FGF7: variants seen among roughly 807,000 people sequenced by gnomAD.
FGF7 encodes fibroblast growth factor 7.
In FGF7, 6 loss-of-function variants were observed where a neutral mutation model predicts 20.5. That is an observed-to-expected ratio of 0.29 (90% CI 0.16 to 0.58). FGF7 has a LOEUF of 0.58. Ranked by LOEUF, FGF7 falls within the 20% of genes least tolerant of loss-of-function variation. The pLI is 0.90. For missense variants in FGF7, 144 were observed against 228.8 expected (o/e 0.63, Z 2.39); for synonymous variants, 64 against 74.7 (o/e 0.86, Z 0.74).
chr15:49,458,842 C>T (rs1354734044), intron 2 of FGF7, among the ~76,000 whole-genome samples: 1 of 151,984 alleles, frequency 6.6e-6, no homozygotes, highest in Non-Finnish European at 1.5e-5. Context: ...AAGTATTTCC[C>T]CCCTGCACCA....
At chr15:49,444,001 T>G (rs532379983) in intron 2 of FGF7, among the ~76,000 whole-genome samples, 3 of 151,780 alleles carry the variant, frequency 2.0e-5, no homozygotes. Context: ...AGTAAAAGAT[T>G]GTGCTGTAAA....
intron 2 of FGF7, among the ~76,000 whole-genome samples, chr15:49,449,270 G>A (rs1473071116): frequency 6.6e-6 from 1 of 151,964 alleles, no homozygotes; most frequent in East Asian, 1.9e-4. Flanking sequence ...ATGGAATAAA[G>A]CAATCATGAA....
intron 2 of FGF7, 95 bp downstream of exon 2, chr15:49,424,678 G>GA (rs2151750764): frequency 2.0e-5 from 20 of 995,118 alleles, no homozygotes; most frequent in Non-Finnish European, 2.3e-5. Flanking sequence ...TTGCTTCTTG[G>GA]AAAAAAAATT....
intron 2 of FGF7, among the ~76,000 whole-genome samples, chr15:49,461,178 T>C (rs1053814329): frequency 1.3e-5 from 2 of 152,194 alleles, no homozygotes; most frequent in African/African-American, 4.8e-5. Flanking sequence ...TAGTGACAGA[T>C]CTTTTCTCTT....
intron 2 of FGF7, among the ~76,000 whole-genome samples, chr15:49,479,999 T>C (rs2055777932): frequency 6.6e-6 from 1 of 152,222 alleles, no homozygotes; most frequent in African/African-American, 2.4e-5. Flanking sequence ...GTGATAATGT[T>C]AATTTCTTTA....
At chr15:49,437,092 CTATT>C (rs1406604915) in intron 2 of FGF7, among the ~76,000 whole-genome samples, 1 of 151,496 alleles carries the variant, frequency 6.6e-6, no homozygotes, top group Non-Finnish European at 1.5e-5. Flanking sequence ...TTTATTAAAA[CTATT>C]TATACTTCTG....
intron 2 of FGF7, among the ~76,000 whole-genome samples, chr15:49,428,813 T>TAGCAAGAAA (rs1300072745): frequency 1.3e-5 from 2 of 152,002 alleles, no homozygotes; most frequent in African/African-American, 4.8e-5. Flanking sequence ...GTTAGTTCCA[T>TAGCAAGAAA]AGCAAGAAAA....
In FGF7 at chr15:49,485,844, A is replaced by C. The variant is rs2056361551; in HGVS notation, c.*1340A>C. ...TTTAAAACTATGTATATTTAAATTT[A>C]GTAATTTTCTAATCTCTAGAAATCT... On this transcript the variant is annotated 3_prime_UTR_variant, in exon 4 of 4. Coordinates refer to ENST00000267843, the MANE Select transcript of FGF7 (RefSeq NM_002009.4). The C allele has an allele frequency of 6.6e-6, 1 of 152,108 alleles. No individual in the cohort carries two copies. The highest frequency in any genetic ancestry group is 2.4e-5 in the African/African-American group (1 of 41,458). 9.4% of individuals were successfully genotyped at this position (152,108 alleles called of 1,614,324 possible). A position where few individuals can be genotyped will look rare whatever the true frequency, so the allele number is the denominator to read the frequency against.
chr15:49,473,834 T>C (rs1227824237), intron 2 of FGF7, among the ~76,000 whole-genome samples: 1 of 152,146 alleles, frequency 6.6e-6, no homozygotes, highest in Non-Finnish European at 1.5e-5. Flanking sequence ...AACTCACTTT[T>C]AATTCTACAC....
At chr15:49,430,611 T>C (rs554572745) in intron 2 of FGF7, among the ~76,000 whole-genome samples, 17 of 151,954 alleles carry the variant, frequency 1.1e-4, no homozygotes, top group African/African-American at 3.6e-4. Context: ...ATCAAGGTAA[T>C]GGCATCTAGC....
At chr15:49,442,885 C>G (rs568821151) in intron 2 of FGF7, among the ~76,000 whole-genome samples, 1 of 151,824 alleles carries the variant, frequency 6.6e-6, no homozygotes, top group Non-Finnish European at 1.5e-5. Flanking sequence ...GCTCACACCA[C>G]TAATGATTAG....
intron 2 of FGF7, among the ~76,000 whole-genome samples, chr15:49,474,656 A>G (rs998835043): frequency 5.9e-5 from 9 of 152,042 alleles, no homozygotes; most frequent in African/African-American, 2.2e-4. Context: ...TGGGCTGGGG[A>G]CCGGTACTGG....
In FGF7 at chr15:49,454,673, G is replaced by A. The variant is rs180743359; in HGVS notation, c.287-28478G>A. 1.3e-4 allele frequency among the ~76,000 whole-genome samples: 20 copies of A among 152,216 alleles called. No individual in the cohort carries two copies. In the East Asian group the frequency reaches 3.3e-3, roughly 25 times the overall value. On this transcript the variant is annotated intron_variant, in intron 2 of 3. Coordinates refer to ENST00000267843, the MANE Select transcript of FGF7 (RefSeq NM_002009.4). ...CACACAGGCTGGAGTGCAGTGGAGC[G>A]ATCTCAGCTCACTGCAACCTCTGCC...
At chr15:49,429,198 C>T (rs141392084) in intron 2 of FGF7, among the ~76,000 whole-genome samples, 116 of 152,040 alleles carry the variant, frequency 7.6e-4, no homozygotes, top group Non-Finnish European at 1.1e-3. Flanking sequence ...AACATATCTA[C>T]GCAGTCGAAC....
At chr15:49,476,823 G>A (rs1205430016) in intron 2 of FGF7, among the ~76,000 whole-genome samples, 2 of 152,268 alleles carry the variant, frequency 1.3e-5, no homozygotes, top group African/African-American at 4.8e-5. Context: ...ACTTTGGGAG[G>A]CTGAGGTGGG....
intron 2 of FGF7, among the ~76,000 whole-genome samples, chr15:49,480,346 C>T (rs2055820032): frequency 6.6e-6 from 1 of 152,010 alleles, no homozygotes; most frequent in Non-Finnish European, 1.5e-5. Context: ...AGCCTCACTC[C>T]ACCCACACTG....
Position 49,424,389 on chromosome 15 carries a change from C to T in FGF7, c.92C>T (p.Ala31Val), listed in dbSNP as rs1292614504. ...IICLVGTISL[A>V]CNDMTPEQMA... The stretch of plus-strand genomic sequence containing the variant: ...TGTCTAGTGGGTACTATATCTTTAG[C>T]TTGCAATGACATGACTCCAGAGCAA... Residue 31 changes from alanine (A) to valine (V), a missense_variant, in exon 2 of 4, where the codon GCT becomes GTT. Transcript: ENST00000267843. The T allele has an allele frequency of 2.5e-6, 4 of 1,613,632 alleles. No homozygotes were observed. The highest frequency in any genetic ancestry group is 1.7e-5 in the Admixed American group (1 of 59,976).
Position 49,444,714 on chromosome 15 carries a change from T to C in FGF7, c.286+20131T>C, listed in dbSNP as rs1338389175. 8.6e-5 allele frequency among the ~76,000 whole-genome samples: 13 copies of C among 151,732 alleles called. No homozygotes were observed. The Admixed American group carries it at 8.6e-4, about 10-fold the overall frequency. On this transcript the variant is annotated intron_variant, in intron 2 of 3. Transcript: ENST00000267843. ...CCCTTTGTGCATATGTTCCGGGGTC[T>C]GTCTCAAAGGCTAGAAATAAATTGC...
chr15:49,469,360 C>G (rs1051216808), intron 2 of FGF7, among the ~76,000 whole-genome samples: 1 of 152,040 alleles, frequency 6.6e-6, no homozygotes, highest in Non-Finnish European at 1.5e-5. Context: ...AAATTTAATT[C>G]TATTTCTACT....
Sources: allele counts gnomAD v4.1 joint callset (sites outside exome capture counted in the v4.1 genomes callset), GRCh38; gene constraint gnomAD v4.1.1; transcripts MANE v1.5; gene names NCBI Gene and HGNC (gene_info 2026-07-23, HGNC 2026-07-21).